Variants in ABRA observed in about 807,000 individuals in gnomAD.
The protein encoded by ABRA is actin binding Rho activating protein.
In ABRA, 25 loss-of-function variants were observed where a neutral mutation model predicts 33.4. The observed-to-expected ratio is 0.75, with a 90% confidence interval of 0.55 to 1.04. The LOEUF is 1.04. ABRA is among the 50% of genes least tolerant of loss of function. The probability of loss-of-function intolerance (pLI) is 0.00; values close to 1 mark genes in which losing one functional copy is unlikely to be tolerated. For missense variants in ABRA, 501 were observed against 491.7 expected, an observed-to-expected ratio of 1.02 and a Z score of -0.18; for synonymous variants, 193 against 176.8, an observed-to-expected ratio of 1.09 and a Z score of -0.73.
chr8:106,769,495 C>G (rs1442288362), intron 1 of ABRA, 28 bp downstream of exon 1: 7 of 1,594,222 alleles, frequency 4.4e-6, no homozygotes, highest in African/African-American at 2.7e-5. Flanking sequence ...GATCCTGACA[C>G]AAGGAGTGGG....
In ABRA at chr8:106,761,350, C is replaced by T. The variant is rs767590580; in HGVS notation, c.833G>A (p.Arg278His). The T allele has an allele frequency of 4.1e-5, 66 of 1,613,966 alleles. No individual in the cohort carries two copies. Among genetic ancestry groups the T allele is most frequent in the Middle Eastern group, 1.6e-4 (1 of 6,084 alleles). ...ATAGCCCTCATCTCCTTTGTGTAGGCGGGTGGACATGGCCAGCTCGTAATC... is the reference window on the plus strand; with the variant it reads ...ATAGCCCTCATCTCCTTTGTGTAGGTGGGTGGACATGGCCAGCTCGTAATC... Reference protein sequence around the residue: ...EFDYELAMSTRLHKGDEGYGR... With the variant: ...EFDYELAMSTHLHKGDEGYGR... The change falls in exon 2 of 2, where the codon CGC becomes CAC. Residue 278 changes from arginine to histidine, a missense_variant. Coordinates refer to ENST00000311955, the MANE Select transcript of ABRA (RefSeq NM_139166.5).
Position 106,761,155 on chromosome 8 carries a change from A to G in ABRA, c.1028T>C (p.Ile343Thr). 1 of 1,614,218 alleles carries G rather than the reference A, an allele frequency of 6.2e-7. No homozygotes were observed. The highest frequency in any genetic ancestry group is 8.5e-7 in the Non-Finnish European group (1 of 1,180,046). Residue 343 changes from isoleucine (I) to threonine (T), a missense_variant, in exon 2 of 2, where the codon ATT becomes ACT. Ile to Thr is a moderately conservative substitution (Grantham distance 89, BLOSUM62 -1). Transcript: ENST00000311955. ...GAGAATGCCCACTACTTTATCTGAAATACGAACGTATCTGTCAAAGAGATC... is the reference window on the plus strand; with the variant it reads ...GAGAATGCCCACTACTTTATCTGAAGTACGAACGTATCTGTCAAAGAGATC... ...FGDLFDRYVR[I>T]SDKVVGILMR...
At position 106,770,166 on chromosome 8, in the gene ABRA, C is replaced by T. The variant is rs143979123; in HGVS notation, c.25G>A (p.Gly9Arg). The T allele has an allele frequency of 1.1e-3, 1,827 of 1,610,998 alleles. 21 individuals are homozygous for T. Among genetic ancestry groups the T allele is most frequent in the Non-Finnish European group, 3.6e-4 (424 of 1,179,514 alleles). Residue 9 changes from glycine to arginine, a missense_variant, in exon 1 of 2, where the codon GGG (glycine) becomes AGG (arginine). Physicochemically the swap from Gly to Arg is moderately radical, Grantham distance 125. Coordinates refer to ENST00000311955, the MANE Select transcript of ABRA (RefSeq NM_139166.5). Reference protein sequence around the residue: MAPGEKESGEGPAKSALRK... With the variant: MAPGEKESREGPAKSALRK... ...AGGGCGCTCTTGGCTGGGCCCTCCCCGCTTTCCTTTTCGCCCGGAGCCATG... is the reference window on the plus strand; with the variant it reads ...AGGGCGCTCTTGGCTGGGCCCTCCCTGCTTTCCTTTTCGCCCGGAGCCATG...
rs186017826 is a variant in ABRA, at chr8:106,766,160, G to A, written c.668+3363C>T. On this transcript the variant is annotated intron_variant, in intron 1 of 1. Transcript: ENST00000311955. ...TTTAATCTTGCACCTTTATGAGAGA[G>A]AGATCTAATTTCTTTTGTCTAAAGG... Among the ~76,000 whole-genome samples, 201 of 152,300 alleles carry A rather than the reference G, an allele frequency of 1.3e-3. 1 individual carries two copies. The highest frequency in any genetic ancestry group is 4.8e-3 in the African/African-American group (199 of 41,564).
intron 1 of ABRA, among the ~76,000 whole-genome samples, chr8:106,765,752 T>C (rs961840559): frequency 2.0e-5 from 3 of 152,206 alleles, no homozygotes; most frequent in Non-Finnish European, 4.4e-5. Context: ...TTGAAAGTGT[T>C]CGCGGCCCTA....
intron 1 of ABRA, among the ~76,000 whole-genome samples, chr8:106,765,434 G>A (rs1309727589): frequency 1.3e-5 from 2 of 152,194 alleles, no homozygotes; most frequent in Non-Finnish European, 2.9e-5. Flanking sequence ...TCTTCCTGTA[G>A]AGGGAGTATT....
chr8:106,769,397 G>C, intron 1 of ABRA, 126 bp downstream of exon 1: 4 of 1,324,270 alleles, frequency 3.0e-6, no homozygotes, highest in Non-Finnish European at 4.2e-6. Context: ...AGTACTCACT[G>C]CCTGTCCAGT....
rs916215834 is a variant in ABRA at position 106,768,210 on chromosome 8, G to C, written c.668+1313C>G. Among the ~76,000 whole-genome samples, 3 of 152,110 alleles carry C rather than the reference G, an allele frequency of 2.0e-5. No homozygotes were observed. The East Asian group carries it at 5.8e-4, about 29-fold the overall frequency. ...ACTTGCACATCAAACTGTCCCCAAA[G>C]GGAGTCAGTCTATAAATGTAATGAC... On this transcript the variant is annotated intron_variant, in intron 1 of 1. Coordinates refer to ENST00000311955, the MANE Select transcript of ABRA (RefSeq NM_139166.5).
At chr8:106,763,897 C>G (rs1159430831) in intron 1 of ABRA, among the ~76,000 whole-genome samples, 2 of 152,186 alleles carry the variant, frequency 1.3e-5, no homozygotes, top group Non-Finnish European at 2.9e-5. Flanking sequence ...ACATCCCTCC[C>G]ATGCTTTGAA....
In ABRA at chr8:106,769,971, T is replaced by G. The variant is rs760507455; in HGVS notation, c.220A>C (p.Lys74Gln). The change falls in exon 1 of 2, where the codon AAA (lysine) becomes CAA (glutamine). Residue 74 changes from lysine (K) to glutamine (Q), a missense_variant. Lys to Gln is a moderately conservative substitution (Grantham distance 53). Transcript: ENST00000311955. ...GGCGACTTTGGGGCACTCTGAGCTT[T>G]CTGGTGTGAAGTAGGGGGTGTGATT... ...KPITPPTSHQ[K>Q]AQSAPKSPPR... 7.4e-6 allele frequency: 12 copies of G among 1,613,880 alleles called. No individual in the cohort carries two copies. The highest frequency in any genetic ancestry group is 1.0e-5 in the Non-Finnish European group (12 of 1,179,958).
chr8:106,762,360 T>A (rs192368866), intron 1 of ABRA, among the ~76,000 whole-genome samples: 4 of 152,280 alleles, frequency 2.6e-5, no homozygotes, highest in Admixed American at 1.3e-4. Flanking sequence ...TAGACCAAGG[T>A]CAATGCTCTT....
At position 106,760,251 on chromosome 8, in the gene ABRA, T is replaced by G. The variant is rs1009305071; in HGVS notation, c.*786A>C. 1.3e-5 allele frequency: 2 copies of G among 152,352 alleles called. No individual in the cohort carries two copies. The highest frequency in any genetic ancestry group is 2.9e-5 in the Non-Finnish European group (2 of 68,032). 9.4% of individuals were successfully genotyped at this position (152,352 alleles called of 1,614,324 possible). On this transcript the variant is annotated 3_prime_UTR_variant, in exon 2 of 2. Coordinates refer to ENST00000311955, the MANE Select transcript of ABRA (RefSeq NM_139166.5). ...CTCTACTTTTAGTGAGGGTGTGCCT[T>G]CCTTTGTTGGTACTAAGACAGGAAG... is the stretch of plus-strand genomic sequence containing the variant.
At chr8:106,766,876 C>T (rs1331842696) in intron 1 of ABRA, among the ~76,000 whole-genome samples, 4 of 152,224 alleles carry the variant, frequency 2.6e-5, no homozygotes, top group East Asian at 1.9e-4. Context: ...AGATAAGGAC[C>T]GAGAGACTCA....
chr8:106,761,002 A>T lies in ABRA; in HGVS notation c.*35T>A. 6.3e-7 allele frequency: 1 copy of T among 1,582,328 alleles called. No individual in the cohort carries two copies. Among genetic ancestry groups the T allele is most frequent in the East Asian group, 2.2e-5 (1 of 44,490 alleles). ...TACATGAGCATTTAGCATTAAGACC[A>T]TAGTGGGCCAAATTTGGCTTTTGTT... On this transcript the variant is annotated 3_prime_UTR_variant, in exon 2 of 2. Transcript: ENST00000311955.
rs1836127012 is a variant in ABRA, at chr8:106,760,982, G to A, written c.*55C>T. On this transcript the variant is annotated 3_prime_UTR_variant, in exon 2 of 2. Coordinates refer to ENST00000311955, the MANE Select transcript of ABRA (RefSeq NM_139166.5). ...GTTTGCATTTTCATTTTACCTACATGAGCATTTAGCATTAAGACCATAGTG... is the reference window on the plus strand; with the variant it reads ...GTTTGCATTTTCATTTTACCTACATAAGCATTTAGCATTAAGACCATAGTG... The A allele has an allele frequency of 4.1e-6, 6 of 1,457,960 alleles. No individual in the cohort carries two copies. In the African/African-American group the frequency reaches 7.0e-5, roughly 17 times the overall value. 90.3% of individuals were successfully genotyped at this position (1,457,960 alleles called of 1,614,324 possible).
intron 1 of ABRA, among the ~76,000 whole-genome samples, chr8:106,765,920 T>C (rs1357094781): frequency 6.6e-6 from 1 of 152,210 alleles, no homozygotes; most frequent in African/African-American, 2.4e-5. Flanking sequence ...GTCTGTTCTC[T>C]ACTAAGAGGG....
chr8:106,760,888 GATAGAA>G lies in ABRA; in HGVS notation c.*143_*148del, dbSNP rs1485210541. ...AAAATCTCCAAAATTCCTCATTCTAGATAGAAATAGAATGCCAGAAAGTCGTTTATG... is the reference window on the plus strand; with the variant it reads ...AAAATCTCCAAAATTCCTCATTCTAGATAGAATGCCAGAAAGTCGTTTATG... On this transcript the variant is annotated 3_prime_UTR_variant, in exon 2 of 2. Coordinates refer to ENST00000311955, the MANE Select transcript of ABRA (RefSeq NM_139166.5). 22 of 734,672 alleles carry G rather than the reference GATAGAA, an allele frequency of 3.0e-5. No homozygotes were observed. Among genetic ancestry groups the G allele is most frequent in the Non-Finnish European group, 4.6e-5 (20 of 437,984 alleles). 45.5% of individuals were successfully genotyped at this position (734,672 alleles called of 1,614,324 possible). A position where few individuals can be genotyped will look rare whatever the true frequency, so the allele number is the denominator to read the frequency against.
chr8:106,769,470 T>A, intron 1 of ABRA, 53 bp downstream of exon 1: 2 of 1,559,894 alleles, frequency 1.3e-6, no homozygotes, highest in South Asian at 1.2e-5. Context: ...CCAGACTTGG[T>A]TGGGGCTCAA....
At position 106,769,469 on chromosome 8, in the gene ABRA, G is replaced by A. The variant is rs555645566; in HGVS notation, c.668+54C>T. 72 of 1,559,750 alleles carry A rather than the reference G, an allele frequency of 4.6e-5. No homozygotes were observed. The South Asian group carries it at 8.4e-4, about 18-fold the overall frequency. On this transcript the variant is annotated intron_variant, in intron 1 of 1. Coordinates refer to ENST00000311955, the MANE Select transcript of ABRA (RefSeq NM_139166.5). Reference sequence around the variant, plus strand: ...TCTGCTGCCTGGATTCCCAGACTTGGTTGGGGCTCAATAGTGATCCTGACA... The same window carrying A: ...TCTGCTGCCTGGATTCCCAGACTTGATTGGGGCTCAATAGTGATCCTGACA...
Sources: allele counts gnomAD v4.1 joint callset (sites outside exome capture counted in the v4.1 genomes callset), GRCh38; gene constraint gnomAD v4.1.1; transcripts MANE v1.5; gene names NCBI Gene and HGNC (gene_info 2026-07-23, HGNC 2026-07-21).